SPRY3: variants seen among roughly 807,000 people sequenced by gnomAD.
SPRY3 encodes the protein protein sprouty homolog 3.
Under a neutral mutation model 20.2 loss-of-function variants are expected in SPRY3, and 15 were observed. The observed-to-expected ratio is 0.74, with a 90% CI of 0.50 to 1.14. The LOEUF is 1.14. Among genes scored for constraint, SPRY3 ranks in the 50% most tolerant of loss-of-function variants. The pLI is 0.00. For missense variants in SPRY3, 364 were observed against 363.9 expected (o/e 1.00, Z 0.00); for synonymous variants, 143 against 136.5 (o/e 1.05, Z -0.33).
At chrX:155,685,955 G>C (rs2068086541) in intron 2 of SPRY3, among the ~76,000 whole-genome samples, 1 of 110,400 alleles carries the variant, frequency 9.1e-6, no homozygotes. Context: ...CTTTAGTAGA[G>C]ACGGGGGTTT....
chrX:155,723,857 A>T (rs112103325), intron 2 of SPRY3, among the ~76,000 whole-genome samples: 2 of 152,120 alleles, frequency 1.3e-5, no homozygotes, highest in Non-Finnish European at 2.9e-5. Flanking sequence ...AAGTCCTTGC[A>T]CATGCCTATG....
At chrX:155,677,796 C>T (rs2068062340) in intron 2 of SPRY3, among the ~76,000 whole-genome samples, 1 of 111,825 alleles carries the variant, frequency 8.9e-6, no homozygotes, top group African/African-American at 3.2e-5. Context: ...CTGTGGACTT[C>T]AGTCATGCTC....
At chrX:155,744,168 A>G (rs1006813775) in intron 2 of SPRY3, among the ~76,000 whole-genome samples, 6 of 152,246 alleles carry the variant, frequency 3.9e-5, no homozygotes, top group Non-Finnish European at 8.8e-5. Context: ...TTGGGAAAAC[A>G]TGTAATTCAA....
chrX:155,771,413 C>T (rs955041702), intron 3 of SPRY3, among the ~76,000 whole-genome samples: 1 of 152,058 alleles, frequency 6.6e-6, no homozygotes, highest in Non-Finnish European at 1.5e-5. Flanking sequence ...ACTTTGAGAC[C>T]TTGTATAACT....
At chrX:155,711,622 T>G (rs2090987023) in intron 2 of SPRY3, among the ~76,000 whole-genome samples, 1 of 151,678 alleles carries the variant, frequency 6.6e-6, no homozygotes, top group Non-Finnish European at 1.5e-5. Context: ...TCATTGACCT[T>G]TTGTATTGTT....
chrX:155,739,029 G>C (rs1408139667), intron 2 of SPRY3, among the ~76,000 whole-genome samples: 2 of 152,204 alleles, frequency 1.3e-5, no homozygotes, highest in African/African-American at 4.8e-5. Flanking sequence ...CAGCAGGCTG[G>C]AGACAGCCTG....
intron 2 of SPRY3, among the ~76,000 whole-genome samples, chrX:155,754,106 A>T (rs115443748): frequency 0.051 from 7,800 of 152,026 alleles, 613 homozygotes; most frequent in African/African-American, 0.17. Flanking sequence ...AACGTAATTT[A>T]TCTATTTCTT....
Position 155,664,788 on chromosome X carries a change from G to A in SPRY3, c.-282+7763G>A, listed in dbSNP as rs191075059. On this transcript the variant is annotated intron_variant, in intron 2 of 3. Transcript: ENST00000675360. The stretch of plus-strand genomic sequence containing the variant: ...ATACATATGTTTGTGGGGTGCGTGT[G>A]TGTGTGTGTTTGTGTATTAGTAAGA... Among the ~76,000 whole-genome samples, 675 of 109,815 alleles carry A rather than the reference G, an allele frequency of 6.1e-3. 3 individuals are homozygous for A. Among genetic ancestry groups the A allele is most frequent in the African/African-American group, 0.021 (626 of 30,381 alleles).
chrX:155,626,557 T>A lies in SPRY3; in HGVS notation c.-441+13910T>A, dbSNP rs782334202. On this transcript the variant is annotated intron_variant, in intron 1 of 3. Coordinates refer to ENST00000675360, the Ensembl canonical transcript of SPRY3. ...ATACTAGTTTTTAATTTTGATGTTG[T>A]TGAATTTATCTATTTTCGCCTTTTG... Among the ~76,000 whole-genome samples the A allele has an allele frequency of 2.7e-5, 3 of 111,784 alleles. 1 individual carries two copies. In the South Asian group the frequency reaches 1.1e-3, roughly 41 times the overall value.
At chrX:155,616,151 T>TCTCCTCTCTCTCTCTCTC in intron 1 of SPRY3, among the ~76,000 whole-genome samples, 1 of 33,177 alleles carries the variant, frequency 3.0e-5, no homozygotes, top group Middle Eastern at 0.02. Flanking sequence ...CTCTCTCTCT[T>TCTCCTCTCTCTCTCTCTC]CTCTCTCTCT....
intron 1 of SPRY3, among the ~76,000 whole-genome samples, chrX:155,620,840 A>G (rs1322696366): frequency 2.7e-5 from 3 of 112,059 alleles, no homozygotes; most frequent in Non-Finnish European, 3.8e-5. Flanking sequence ...CTATACTTCA[A>G]TAAAAATTAA....
At chrX:155,768,172 A>T (rs1469178206) in intron 3 of SPRY3, 36 bp downstream of exon 2, 1 of 151,744 alleles carries the variant, frequency 6.6e-6, no homozygotes, top group Non-Finnish European at 1.5e-5. Flanking sequence ...AAAACCCAGA[A>T]TTCTTTCTAT....
chrX:155,759,967 CTT>C (rs1281518599), intron 2 of SPRY3, among the ~76,000 whole-genome samples: 1 of 152,154 alleles, frequency 6.6e-6, no homozygotes, highest in Non-Finnish European at 1.5e-5. Context: ...TTTGATTTCT[CTT>C]GTCTTTATCT....
chrX:155,723,055 A>G (rs1340143309), intron 2 of SPRY3, among the ~76,000 whole-genome samples: 3 of 151,232 alleles, frequency 2.0e-5, no homozygotes, highest in Non-Finnish European at 4.4e-5. Flanking sequence ...TCCTTGTGAT[A>G]CTTTGCTCAG....
At chrX:155,766,910 T>C (rs1466017368) in intron 2 of SPRY3, among the ~76,000 whole-genome samples, 1 of 152,138 alleles carries the variant, frequency 6.6e-6, no homozygotes, top group Non-Finnish European at 1.5e-5. Context: ...TGGGAACACA[T>C]GAGGAAGAGG....
chrX:155,738,174 G>T (rs1185975207), intron 2 of SPRY3, among the ~76,000 whole-genome samples: 1 of 151,380 alleles, frequency 6.6e-6, no homozygotes, highest in African/African-American at 2.4e-5. Context: ...ATCTTTAAAA[G>T]AAAACAATTG....
At chrX:155,758,985 T>G (rs774309388) in intron 2 of SPRY3, among the ~76,000 whole-genome samples, 1 of 152,306 alleles carries the variant, frequency 6.6e-6, no homozygotes, top group African/African-American at 2.4e-5. Flanking sequence ...AGGGACCCTC[T>G]TAGAATGGTT....
intron 2 of SPRY3, among the ~76,000 whole-genome samples, chrX:155,751,031 G>A (rs2091259762): frequency 6.6e-6 from 1 of 151,822 alleles, no homozygotes; most frequent in Non-Finnish European, 1.5e-5. Context: ...AGAGAAGTGA[G>A]AACATGTGTA....
At chrX:155,652,653 TG>T (rs2067980883) in intron 1 of SPRY3, among the ~76,000 whole-genome samples, 1 of 112,316 alleles carries the variant, frequency 8.9e-6, no homozygotes, top group African/African-American at 3.2e-5. Flanking sequence ...TTGTTACCAC[TG>T]TTGGGCTACT....
Sources: allele counts gnomAD v4.1 joint callset (sites outside exome capture counted in the v4.1 genomes callset), GRCh38; gene constraint gnomAD v4.1.1; transcripts MANE v1.5; gene names NCBI Gene and HGNC (gene_info 2026-07-23, HGNC 2026-07-21).